Variants in CAST observed in about 807,000 individuals in gnomAD.
CAST encodes calpastatin, also known as MIR583 host.
A neutral mutation model predicts 119.6 loss-of-function variants in CAST; 76 were observed. The observed-to-expected ratio is 0.64, with a 90% CI of 0.53 to 0.77. The LOEUF is 0.77. Among genes scored for constraint, CAST ranks in the 30% least tolerant of loss-of-function variants. CAST has a pLI of 0.00. For synonymous variants in CAST, 319 were observed against 331.6 expected (o/e 0.96, Z 0.41); for missense variants, 953 against 946.5 (o/e 1.01, Z -0.09).
the CAST span, among the ~76,000 whole-genome samples, chr5:96,512,007 A>G: frequency 1.6e-4 from 25 of 152,294 alleles, no homozygotes; most frequent in Admixed American, 1.1e-3. Flanking sequence ...GTATGTGTTC[A>G]TTGTCTGTTT....
At chr5:96,548,769 C>T (rs1746065318) in intron 1 of CAST, among the ~76,000 whole-genome samples, 1 of 152,122 alleles carries the variant, frequency 6.6e-6, no homozygotes, top group Admixed American at 6.5e-5. Context: ...CCAGATTTAG[C>T]CAAAAACAAA....
At chr5:96,608,850 G>C (rs2150195697) in intron 1 of CAST, among the ~76,000 whole-genome samples, 1 of 152,156 alleles carries the variant, frequency 6.6e-6, no homozygotes, top group Admixed American at 6.5e-5. Context: ...AGCAGGAGGA[G>C]GTGCTACACA....
At chr5:96,038,529 C>G in the CAST span, among the ~76,000 whole-genome samples, 1 of 149,524 alleles carries the variant, frequency 6.7e-6, no homozygotes, top group Non-Finnish European at 1.5e-5. Flanking sequence ...GTAGCCCCCC[C>G]ACCCCCCGCA....
At chr5:96,672,999 G>C (rs1750296650) in intron 1 of CAST, among the ~76,000 whole-genome samples, 1 of 152,196 alleles carries the variant, frequency 6.6e-6, no homozygotes, top group African/African-American at 2.4e-5. Context: ...GCAGAAAGCA[G>C]AGTGAGACTC....
chr5:96,688,240 T>C (rs1263568328), intron 2 of CAST, among the ~76,000 whole-genome samples: 1 of 152,220 alleles, frequency 6.6e-6, no homozygotes. Context: ...TTTCTTTGAA[T>C]AATAAAAACT....
At chr5:96,493,699 G>A in the CAST span, among the ~76,000 whole-genome samples, 1 of 152,254 alleles carries the variant, frequency 6.6e-6, no homozygotes, top group East Asian at 1.9e-4. Flanking sequence ...ACCAAGAAAA[G>A]CATCAAAATA....
chr5:96,767,962 G>A lies in CAST; in HGVS notation c.2231G>A (p.Cys744Tyr). Residue 744 changes from cysteine (C) to tyrosine (Y), a missense_variant, in exon 29 of 32, where the codon TGT (cysteine) becomes TAT (tyrosine). Coordinates refer to ENST00000675179, the MANE Select transcript of CAST (RefSeq NM_001750.7). ...IDALSGDLDS[C>Y]PSTTETSQNT... is the part of the protein sequence containing the mutation. ...GCTCTCTCAGGAGATCTGGACAGCT[G>A]TCCCTCCACTACAGAAACCTCACAG... The A allele has an allele frequency of 1.2e-6, 2 of 1,613,604 alleles. No individual in the cohort carries two copies. Among genetic ancestry groups the A allele is most frequent in the African/African-American group, 1.3e-5 (1 of 75,004 alleles).
chr5:96,425,021 AAAGAAAGAAAG>A, the CAST span, among the ~76,000 whole-genome samples: 47 of 63,564 alleles, frequency 7.4e-4, no homozygotes, highest in Non-Finnish European at 1.0e-3. Context: ...AGAAAGAAAG[AAAGAAAGAAAG>A]AAAGAAAGAA....
chr5:96,736,676 C>CAAAA (rs144559103), intron 10 of CAST, among the ~76,000 whole-genome samples: 1 of 145,916 alleles, frequency 6.9e-6, no homozygotes, highest in Non-Finnish European at 1.5e-5. Flanking sequence ...ATGGTAGTTG[C>CAAAA]AAAAAAAAAA....
rs190445050 is a variant in CAST at position 96,765,007 on chromosome 5, A to G, written c.1933-214A>G. Among the ~76,000 whole-genome samples, 618 of 151,616 alleles carry G rather than the reference A, an allele frequency of 4.1e-3. 5 individuals carry two copies. The highest frequency in any genetic ancestry group is 0.014 in the African/African-American group (571 of 41,238). Reference sequence around the variant, plus strand: ...TTGGGTGGAAGGTGCTGGCCCTCCAACCCCAGTAGGGTGACAGATACTGCC... The same window carrying G: ...TTGGGTGGAAGGTGCTGGCCCTCCAGCCCCAGTAGGGTGACAGATACTGCC... On this transcript the variant is annotated intron_variant, in intron 25 of 31. Transcript: ENST00000675179.
chr5:96,675,454 G>T, intron 1 of CAST, 85 bp from the exon 2 acceptor site: 1 of 902,274 alleles, frequency 1.1e-6, no homozygotes. Context: ...TTTAAAAAAG[G>T]GTATGCATTT....
the CAST span, among the ~76,000 whole-genome samples, chr5:96,122,123 A>G: frequency 6.6e-6 from 1 of 152,286 alleles, no homozygotes; most frequent in Non-Finnish European, 1.5e-5. Flanking sequence ...ATTATAGGAT[A>G]CTGTTGAACA....
chr5:96,091,501 G>A, the CAST span, among the ~76,000 whole-genome samples: 1 of 129,578 alleles, frequency 7.7e-6, no homozygotes, highest in Non-Finnish European at 1.6e-5. Context: ...CACCATGCCT[G>A]GCCTTTTTTT....
the CAST span, among the ~76,000 whole-genome samples, chr5:96,269,165 T>C: frequency 6.6e-6 from 1 of 152,002 alleles, no homozygotes. Flanking sequence ...TTTAGCAGTA[T>C]GAAAATGGAC....
chr5:96,383,867 C>T, the CAST span, among the ~76,000 whole-genome samples: 3 of 152,148 alleles, frequency 2.0e-5, no homozygotes, highest in Non-Finnish European at 4.4e-5. Flanking sequence ...AAGAAGATGG[C>T]AGTGTGGACC....
intron 1 of CAST, among the ~76,000 whole-genome samples, chr5:96,570,901 T>C (rs1746555993): frequency 6.6e-6 from 1 of 152,150 alleles, no homozygotes; most frequent in South Asian, 2.1e-4. Context: ...AGCAATCCAA[T>C]GTGAATTCCT....
At chr5:96,249,735 C>G in the CAST span, among the ~76,000 whole-genome samples, 1 of 152,198 alleles carries the variant, frequency 6.6e-6, no homozygotes, top group East Asian at 1.9e-4. Flanking sequence ...AATATTCACT[C>G]TATCAAACAG....
At chr5:96,748,009 A>T (rs375096402) in intron 18 of CAST, among the ~76,000 whole-genome samples, 1 of 152,184 alleles carries the variant, frequency 6.6e-6, no homozygotes, top group Non-Finnish European at 1.5e-5. Flanking sequence ...ATGCCCTTCT[A>T]TCATGTTACT....
chr5:96,571,591 T>C (rs1746568052), intron 1 of CAST, among the ~76,000 whole-genome samples: 1 of 152,130 alleles, frequency 6.6e-6, no homozygotes, highest in Non-Finnish European at 1.5e-5. Flanking sequence ...GCTTGATAGG[T>C]TTTCTGTTAT....
Sources: gnomAD v4.1 joint callset for allele counts (sites outside exome capture counted in the v4.1 genomes callset) on GRCh38, gnomAD v4.1.1 for gene constraint, MANE v1.5 for transcripts, NCBI Gene and HGNC (gene_info 2026-07-23, HGNC 2026-07-21) for gene names.